The following TACR3 variants were observed in gnomAD, a reference collection of about 807,000 sequenced individuals.
TACR3 encodes neuromedin-K receptor.
In TACR3, 34 loss-of-function variants were observed where a neutral mutation model predicts 35.0. The observed-to-expected ratio is 0.97, with a 90% CI of 0.74 to 1.30. TACR3 has a LOEUF of 1.30. Ranked by LOEUF, TACR3 falls within the 50% of genes most tolerant of loss-of-function variation. The pLI is 0.00. For missense variants in TACR3, 558 were observed against 591.7 expected (o/e 0.94, Z 0.59); for synonymous variants, 233 against 221.1 (o/e 1.05, Z -0.48).
chr4:103,662,760 A>G (rs80323699), intron 1 of TACR3, among the ~76,000 whole-genome samples: 1 of 152,328 alleles, frequency 6.6e-6, no homozygotes, highest in Non-Finnish European at 1.5e-5. Context: ...TGTGGCATCA[A>G]CAAGCCAAGA....
intron 3 of TACR3, among the ~76,000 whole-genome samples, chr4:103,611,076 T>C (rs1724502898): frequency 6.6e-6 from 1 of 152,210 alleles, no homozygotes. Context: ...GCTTTGTCCT[T>C]TTTGTTCAAG....
chr4:103,681,501 A>G (rs1041586190), intron 1 of TACR3, among the ~76,000 whole-genome samples: 1 of 152,126 alleles, frequency 6.6e-6, no homozygotes, highest in African/African-American at 2.4e-5. Context: ...ATGTACATCA[A>G]GGCAAAGAAA....
intron 3 of TACR3, among the ~76,000 whole-genome samples, chr4:103,645,180 T>A (rs1033964383): frequency 1.3e-4 from 20 of 151,916 alleles, no homozygotes; most frequent in African/African-American, 4.8e-4. Flanking sequence ...TAGAAAAATG[T>A]GAAAATGTGT....
At chr4:103,620,420 A>G (rs1724748905) in intron 3 of TACR3, among the ~76,000 whole-genome samples, 1 of 152,212 alleles carries the variant, frequency 6.6e-6, no homozygotes, top group Non-Finnish European at 1.5e-5. Context: ...ACCAAAGAAA[A>G]TAAATCATTC....
At chr4:103,606,267 C>T (rs1259730086) in intron 3 of TACR3, among the ~76,000 whole-genome samples, 1 of 151,808 alleles carries the variant, frequency 6.6e-6, no homozygotes, top group Non-Finnish European at 1.5e-5. Flanking sequence ...GTGATGCCTC[C>T]AGCTTTGTTC....
At chr4:103,650,677 T>TTA (rs1553971516) in intron 3 of TACR3, among the ~76,000 whole-genome samples, 40 of 15,898 alleles carry the variant, frequency 2.5e-3, no homozygotes, top group African/African-American at 7.4e-3. Flanking sequence ...TAAATATATA[T>TTA]TATATCATAT....
At chr4:103,666,816 A>G (rs1051465975) in intron 1 of TACR3, among the ~76,000 whole-genome samples, 3 of 152,178 alleles carry the variant, frequency 2.0e-5, no homozygotes, top group African/African-American at 7.2e-5. Flanking sequence ...TTTCACCCAT[A>G]AGACATAAAA....
chr4:103,592,297 C>G, intron 3 of TACR3, among the ~76,000 whole-genome samples: 1 of 152,174 alleles, frequency 6.6e-6, no homozygotes, highest in East Asian at 1.9e-4. Context: ...AAAATACTAA[C>G]TTGAGATTTG....
At chr4:103,670,956 C>T (rs28785565) in intron 1 of TACR3, among the ~76,000 whole-genome samples, 3,581 of 151,964 alleles carry the variant, frequency 0.024, 161 homozygotes, top group African/African-American at 0.082. Flanking sequence ...TGTTACATAT[C>T]GCCTTTATTG....
intron 3 of TACR3, among the ~76,000 whole-genome samples, chr4:103,653,208 G>A (rs1349453625): frequency 6.6e-6 from 1 of 151,894 alleles, no homozygotes; most frequent in African/African-American, 2.4e-5. Context: ...TTCTAGAAGG[G>A]TCACACTCCC....
At chr4:103,622,653 C>A (rs1025231475) in intron 3 of TACR3, among the ~76,000 whole-genome samples, 3 of 152,124 alleles carry the variant, frequency 2.0e-5, no homozygotes, top group Non-Finnish European at 4.4e-5. Flanking sequence ...GGCGTGAACC[C>A]GGGAAGCGGA....
At chr4:103,669,553 A>G (rs1467627304) in intron 1 of TACR3, among the ~76,000 whole-genome samples, 1 of 152,028 alleles carries the variant, frequency 6.6e-6, no homozygotes, top group African/African-American at 2.4e-5. Flanking sequence ...AGGTAACATG[A>G]TATCTCATTG....
intron 3 of TACR3, 140 bp downstream of exon 3, chr4:103,656,054 G>GA (rs1208384084): frequency 3.2e-5 from 34 of 1,073,938 alleles, no homozygotes; most frequent in Non-Finnish European, 4.2e-5. Flanking sequence ...CAAAAGAAAA[G>GA]AAAAAAAATT....
At chr4:103,652,043 C>A (rs1271505839) in intron 3 of TACR3, among the ~76,000 whole-genome samples, 2 of 152,080 alleles carry the variant, frequency 1.3e-5, no homozygotes, top group Non-Finnish European at 2.9e-5. Context: ...ATGAGCCCTG[C>A]TGCCTGGGAT....
intron 1 of TACR3, among the ~76,000 whole-genome samples, chr4:103,713,067 C>A (rs1030823447): frequency 1.3e-5 from 2 of 152,096 alleles, no homozygotes; most frequent in African/African-American, 4.8e-5. Context: ...GACAGTGTGG[C>A]GATTCCTCAA....
At chr4:103,625,436 A>G (rs1476018779) in intron 3 of TACR3, among the ~76,000 whole-genome samples, 1 of 152,226 alleles carries the variant, frequency 6.6e-6, no homozygotes, top group Non-Finnish European at 1.5e-5. Context: ...AAAGAGAAGT[A>G]GAAATGCAAG....
chr4:103,681,793 A>AC (rs1228964727), intron 1 of TACR3, among the ~76,000 whole-genome samples: 5 of 152,160 alleles, frequency 3.3e-5, no homozygotes, highest in African/African-American at 1.2e-4. Flanking sequence ...ACTGAGTCAA[A>AC]CAAGAGCAGA....
intron 3 of TACR3, among the ~76,000 whole-genome samples, chr4:103,608,314 C>T (rs1211420773): frequency 2.6e-5 from 4 of 151,942 alleles, no homozygotes; most frequent in African/African-American, 4.8e-5. Context: ...AAATAGAAAA[C>T]GAGATACCAC....
intron 1 of TACR3, among the ~76,000 whole-genome samples, chr4:103,713,637 GA>G (rs994551719): frequency 3.3e-5 from 5 of 150,048 alleles, no homozygotes; most frequent in Middle Eastern, 3.4e-3. Flanking sequence ...TAATAATAAG[GA>G]AAAAAAAGAC....
Sources: gnomAD v4.1 joint callset for allele counts (sites outside exome capture counted in the v4.1 genomes callset) on GRCh38, gnomAD v4.1.1 for gene constraint, MANE v1.5 for transcripts, NCBI Gene and HGNC (gene_info 2026-07-23, HGNC 2026-07-21) for gene names.